The following SNX13 variants were observed in gnomAD, a reference collection of about 807,000 sequenced individuals.
SNX13 encodes the protein sorting nexin-13.
Under a neutral mutation model 133.6 loss-of-function variants are expected in SNX13, and 45 were observed. The ratio of observed to expected loss-of-function variants is 0.34; its 90% CI spans 0.27 to 0.43. The LOEUF is 0.43. Ranked by LOEUF, SNX13 falls within the 20% of genes least tolerant of loss-of-function variation. The probability of loss-of-function intolerance (pLI) is 1.00; values close to 1 mark genes in which losing one functional copy is unlikely to be tolerated. For synonymous variants in SNX13, 414 were observed against 373.9 expected, an observed-to-expected ratio of 1.11 and a Z score of -1.24; for missense variants, 1,032 against 1,145.1, an observed-to-expected ratio of 0.90 and a Z score of 1.43.
intron 16 of SNX13, 44 bp from the exon 17 acceptor site, chr7:17,826,135 G>T: frequency 7.8e-7 from 1 of 1,275,090 alleles, no homozygotes; most frequent in South Asian, 1.4e-5. Flanking sequence ...AATTTTATAG[G>T]GAAAAAAAAG....
intron 9 of SNX13, among the ~76,000 whole-genome samples, chr7:17,863,738 G>A (rs888353036): frequency 6.6e-6 from 1 of 152,196 alleles, no homozygotes; most frequent in African/African-American, 2.4e-5. Flanking sequence ...CAAGGTTTGA[G>A]GTGCAACTCT....
chr7:17,869,161 G>C (rs1480144471), intron 8 of SNX13, among the ~76,000 whole-genome samples: 2 of 152,022 alleles, frequency 1.3e-5, no homozygotes, highest in Admixed American at 6.5e-5. Context: ...AAATATGCTT[G>C]AAATACTCAT....
chr7:17,900,888 G>A (rs560670021), intron 1 of SNX13, among the ~76,000 whole-genome samples: 1 of 152,032 alleles, frequency 6.6e-6, no homozygotes, highest in East Asian at 1.9e-4. Flanking sequence ...AAGTCCCCCC[G>A]CATAGTTACC....
rs1554330822 is a variant in SNX13 at position 17,856,800 on chromosome 7, A to AAAG, written c.838-5837_838-5836insCTT. On this transcript the variant is annotated intron_variant, in intron 9 of 25. Transcript: ENST00000428135. ...GAGACTCTCTTAAAAAAAAAAAAAA[A>AAAG]AAAGAAAGAAAGAAAGAAAAGAAAA... is the stretch of plus-strand genomic sequence containing the variant. Among the ~76,000 whole-genome samples the AAAG allele has an allele frequency of 1.1e-4, 17 of 149,364 alleles. No individual in the cohort carries two copies. In the South Asian group the frequency reaches 2.7e-3, roughly 24 times the overall value.
At chr7:17,898,073 A>G (rs940057813) in intron 1 of SNX13, 1 of 152,014 alleles carries the variant, frequency 6.6e-6, no homozygotes, top group African/African-American at 2.4e-5. Flanking sequence ...AAGTATCCAT[A>G]CATTAAAAAA....
chr7:17,853,504 AAC>A (rs1375514887), intron 9 of SNX13, among the ~76,000 whole-genome samples: 1 of 152,264 alleles, frequency 6.6e-6, no homozygotes, highest in Non-Finnish European at 1.5e-5. Flanking sequence ...AATTAGAAAC[AAC>A]AGAGGCAAAA....
chr7:17,807,116 C>T (rs745433400), intron 20 of SNX13, among the ~76,000 whole-genome samples: 7 of 152,084 alleles, frequency 4.6e-5, no homozygotes, highest in Non-Finnish European at 1.0e-4. Context: ...ACCGTTCACT[C>T]CCCTGGAAAG....
rs1223356175 is a variant in SNX13, at chr7:17,922,053, CTATCTAGA to C, written c.12+18223_12+18230del. Among the ~76,000 whole-genome samples the C allele has an allele frequency of 2.0e-5, 3 of 152,180 alleles. No homozygotes were observed. The East Asian group carries it at 5.8e-4, about 29-fold the overall frequency. Reference sequence around the variant, plus strand: ...ATAACCCACTTCTGTACTCACTTTCCTATCTAGATTGGACTCCATGGTTCACCATTCCA... The same window carrying C: ...ATAACCCACTTCTGTACTCACTTTCCTTGGACTCCATGGTTCACCATTCCA... On this transcript the variant is annotated intron_variant, in intron 1 of 25. Coordinates refer to ENST00000428135, the MANE Select transcript of SNX13 (RefSeq NM_015132.5).
chr7:17,940,418 C>A lies in SNX13; in HGVS notation c.-123G>T. On this transcript the variant is annotated 5_prime_UTR_variant, in exon 1 of 26. Coordinates refer to ENST00000428135, the MANE Select transcript of SNX13 (RefSeq NM_015132.5). The stretch of plus-strand genomic sequence containing the variant: ...ACTGCTCCTTCAGTCTTCTCCCGGG[C>A]GGCGGTTTTACTCGGCTTCGCTGGC... 2 of 1,204,056 alleles carry A rather than the reference C, an allele frequency of 1.7e-6. No homozygotes were observed. The highest frequency in any genetic ancestry group is 2.4e-6 in the Non-Finnish European group (2 of 837,726). 74.6% of individuals were successfully genotyped at this position (1,204,056 alleles called of 1,614,324 possible).
Position 17,840,016 on chromosome 7 carries a change from C to G in SNX13, c.1166-16G>C. ...TGCATGTAATCTAGCAATCAAAAAT[C>G]CATAATAACATAAATATTAGTGTCA... On this transcript the variant is annotated splice_polypyrimidine_tract_variant and intron_variant, in intron 12 of 25. Coordinates refer to ENST00000428135, the MANE Select transcript of SNX13 (RefSeq NM_015132.5). The G allele has an allele frequency of 6.3e-7, 1 of 1,598,922 alleles. No homozygotes were observed. Among genetic ancestry groups the G allele is most frequent in the Non-Finnish European group, 8.5e-7 (1 of 1,172,366 alleles).
At chr7:17,836,133 T>C (rs1399486164) in intron 13 of SNX13, among the ~76,000 whole-genome samples, 2 of 151,982 alleles carry the variant, frequency 1.3e-5, no homozygotes, top group African/African-American at 4.8e-5. Flanking sequence ...TTAAGCCACA[T>C]CTTTGGTATA....
chr7:17,900,370 C>A (rs1797685211), intron 1 of SNX13: 1 of 152,292 alleles, frequency 6.6e-6, no homozygotes, highest in African/African-American at 2.4e-5. Context: ...GGCAGTGAAG[C>A]CAGATAGGCT....
At chr7:17,844,018 T>C (rs773086699) in intron 12 of SNX13, among the ~76,000 whole-genome samples, 20 of 150,270 alleles carry the variant, frequency 1.3e-4, no homozygotes, top group Non-Finnish European at 2.4e-4. Flanking sequence ...CATAAAGAAA[T>C]AGAAAAAGAA....
intron 1 of SNX13, among the ~76,000 whole-genome samples, chr7:17,912,917 C>T (rs1381030134): frequency 6.6e-6 from 1 of 152,182 alleles, no homozygotes; most frequent in Non-Finnish European, 1.5e-5. Flanking sequence ...TTTCCCATCA[C>T]AGGACTGGAG....
chr7:17,850,282 T>C, intron 11 of SNX13, 65 bp downstream of exon 11: 1 of 1,039,306 alleles, frequency 9.6e-7, no homozygotes, highest in Non-Finnish European at 1.3e-6. Context: ...TCCTTTACTG[T>C]GCATTTTTAA....
chr7:17,808,424 G>A (rs539983166), intron 20 of SNX13, among the ~76,000 whole-genome samples: 5 of 152,166 alleles, frequency 3.3e-5, no homozygotes, highest in East Asian at 1.9e-4. Context: ...GAAAAGAAAC[G>A]AACAAAGCCT....
rs190194760 is a variant in SNX13 at position 17,835,884 on chromosome 7, G to A, written c.1360-1019C>T. Among the ~76,000 whole-genome samples, 9 of 151,966 alleles carry A rather than the reference G, an allele frequency of 5.9e-5. No individual in the cohort carries two copies. In the East Asian group the frequency reaches 1.2e-3, roughly 20 times the overall value. ...GTTGTTTTGAGGGGGATGCTTATTTGTTTTGTGTTTCGGGGGGTAGTAGAG... is the reference window on the plus strand; with the variant it reads ...GTTGTTTTGAGGGGGATGCTTATTTATTTTGTGTTTCGGGGGGTAGTAGAG... On this transcript the variant is annotated intron_variant, in intron 13 of 25. Transcript: ENST00000428135.
At chr7:17,805,211 TTGTGTGTGTGTGTGTGTGTGTG>T (rs55946438) in intron 20 of SNX13, among the ~76,000 whole-genome samples, 1 of 118,492 alleles carries the variant, frequency 8.4e-6, no homozygotes, top group Non-Finnish European at 1.7e-5. Context: ...TAATGATTCT[TTGTGTGTGTGTGTGTGTGTGTG>T]TGTGTGTGTG....
At chr7:17,886,357 C>T (rs1795985162) in intron 5 of SNX13, among the ~76,000 whole-genome samples, 3 of 152,014 alleles carry the variant, frequency 2.0e-5, no homozygotes, top group Non-Finnish European at 4.4e-5. Context: ...ATCACAAGGT[C>T]AGGAGTTCGA....
Sources: gnomAD v4.1 joint callset for allele counts (sites outside exome capture counted in the v4.1 genomes callset) on GRCh38, gnomAD v4.1.1 for gene constraint, MANE v1.5 for transcripts, NCBI Gene and HGNC (gene_info 2026-07-23, HGNC 2026-07-21) for gene names.